The following PRKG1 variants were observed in gnomAD, a reference collection of about 807,000 sequenced individuals.
PRKG1 encodes the protein cGMP-dependent protein kinase 1.
Under a neutral mutation model 88.1 loss-of-function variants are expected in PRKG1, and 35 were observed. The ratio of observed to expected loss-of-function variants is 0.40; its 90% CI spans 0.30 to 0.53. The LOEUF (loss-of-function observed/expected upper bound fraction) is 0.53. Among genes scored for constraint, PRKG1 ranks in the 20% least tolerant of loss-of-function variants. PRKG1 has a pLI of 0.59. For synonymous variants in PRKG1, 303 were observed against 292.5 expected (o/e 1.04, Z -0.37); for missense variants, 540 against 839.8 (o/e 0.64, Z 4.41).
chr10:51,876,667 A>G (rs1255642290), intron 4 of PRKG1, among the ~76,000 whole-genome samples: 4 of 152,304 alleles, frequency 2.6e-5, no homozygotes, highest in Admixed American at 6.5e-5. Flanking sequence ...TGAGACTCCC[A>G]GCTGCCAGCA....
intron 5 of PRKG1, chr10:51,910,226 G>A (rs549177478): frequency 1.0e-5 from 1 of 95,720 alleles, no homozygotes; most frequent in South Asian, 3.2e-4. Flanking sequence ...TGAGCTAGTG[G>A]AAAAGTCACA....
chr10:51,600,742 T>C (rs2132225115), intron 3 of PRKG1, among the ~76,000 whole-genome samples: 2 of 152,312 alleles, frequency 1.3e-5, no homozygotes, highest in South Asian at 4.1e-4. Flanking sequence ...ACATTTCAAC[T>C]GCTTATCAGC....
At chr10:51,617,520 C>T (rs190550882) in intron 3 of PRKG1, among the ~76,000 whole-genome samples, 2 of 152,272 alleles carry the variant, frequency 1.3e-5, no homozygotes, top group African/African-American at 4.8e-5. Flanking sequence ...CCATCGCCAA[C>T]ACCAGCATGC....
At chr10:51,232,489 T>C (rs1440580269) in intron 2 of PRKG1, among the ~76,000 whole-genome samples, 1 of 152,070 alleles carries the variant, frequency 6.6e-6, no homozygotes, top group Non-Finnish European at 1.5e-5. Context: ...GGATATGCGA[T>C]GTGTGTTTAA....
intron 2 of PRKG1, among the ~76,000 whole-genome samples, chr10:51,251,744 C>T (rs1458182629): frequency 6.6e-6 from 1 of 151,706 alleles, no homozygotes; most frequent in Non-Finnish European, 1.5e-5. Flanking sequence ...AAGAATCAAC[C>T]TCTGGCTCTT....
At position 51,241,307 on chromosome 10, in the gene PRKG1, CA is replaced by C. The variant is rs546906226; in HGVS notation, c.478+87989del. Among the ~76,000 whole-genome samples the C allele has an allele frequency of 4.7e-3, 645 of 136,182 alleles. 1 individual carries two copies. Among genetic ancestry groups the C allele is most frequent in the African/African-American group, 0.011 (426 of 37,634 alleles). 89.3% of individuals were successfully genotyped at this position (136,182 alleles called of 152,430 possible). A position where few individuals can be genotyped will look rare whatever the true frequency, so the allele number is the denominator to read the frequency against. On this transcript the variant is annotated intron_variant, in intron 2 of 17. Coordinates refer to ENST00000373980, the MANE Select transcript of PRKG1 (RefSeq NM_006258.4). Reference sequence around the variant, plus strand: ...TGGAGCTAGCTCATTTGCTCCAATCCAAAAAAAAAAAAGCCAAAGAACCTCC... The same window carrying C: ...TGGAGCTAGCTCATTTGCTCCAATCCAAAAAAAAAAAGCCAAAGAACCTCC...
chr10:51,970,419 T>A (rs1843680582), intron 5 of PRKG1, among the ~76,000 whole-genome samples: 1 of 151,454 alleles, frequency 6.6e-6, no homozygotes, highest in Admixed American at 6.6e-5. Context: ...TGACATTATA[T>A]AAAGAATAGA....
intron 3 of PRKG1, among the ~76,000 whole-genome samples, chr10:51,577,882 A>G (rs1837928587): frequency 6.6e-6 from 1 of 152,088 alleles, no homozygotes; most frequent in African/African-American, 2.4e-5. Flanking sequence ...AATATTGTTC[A>G]TTCAATATAT....
At chr10:51,278,860 AT>A (rs1458548345) in intron 2 of PRKG1, among the ~76,000 whole-genome samples, 1 of 151,828 alleles carries the variant, frequency 6.6e-6, no homozygotes, top group Admixed American at 6.6e-5. Flanking sequence ...CTTTATTAGT[AT>A]TGCTAGCGGT....
At chr10:52,270,027 G>T (rs1841675946) in intron 10 of PRKG1, among the ~76,000 whole-genome samples, 1 of 151,922 alleles carries the variant, frequency 6.6e-6, no homozygotes, top group Admixed American at 6.6e-5. Flanking sequence ...TGTTTGAGAA[G>T]AAAAACAAAC....
chr10:51,084,038 CTG>C (rs1844183586), intron 1 of PRKG1, among the ~76,000 whole-genome samples: 1 of 152,148 alleles, frequency 6.6e-6, no homozygotes, highest in Admixed American at 6.6e-5. Context: ...AGGAGCTTTT[CTG>C]TCTTTTCCCC....
chr10:51,868,889 A>G (rs937454594), intron 4 of PRKG1, among the ~76,000 whole-genome samples: 7 of 152,220 alleles, frequency 4.6e-5, no homozygotes, highest in African/African-American at 1.7e-4. Context: ...TAATGAGTGC[A>G]TATAAAGAGG....
chr10:52,101,960 A>C (rs2132567911), intron 7 of PRKG1, among the ~76,000 whole-genome samples: 1 of 152,326 alleles, frequency 6.6e-6, no homozygotes, highest in South Asian at 2.1e-4. Context: ...TGTGCAAATG[A>C]AGTCAAGTTT....
At chr10:52,260,494 A>G (rs764765539) in intron 10 of PRKG1, among the ~76,000 whole-genome samples, 2 of 152,166 alleles carry the variant, frequency 1.3e-5, no homozygotes, top group African/African-American at 2.4e-5. Context: ...TTCAGAGTCA[A>G]TAAATGAAAG....
chr10:51,092,843 T>C (rs191723610), intron 1 of PRKG1, among the ~76,000 whole-genome samples: 1 of 152,308 alleles, frequency 6.6e-6, no homozygotes, highest in African/African-American at 2.4e-5. Flanking sequence ...CAGATTTTTA[T>C]ATTTAAATAA....
chr10:51,935,151 C>T (rs1174989146), intron 5 of PRKG1, among the ~76,000 whole-genome samples: 1 of 152,082 alleles, frequency 6.6e-6, no homozygotes, highest in East Asian at 1.9e-4. Flanking sequence ...TTGTCTTATT[C>T]ACCTTGAAAG....
At chr10:52,071,193 T>A (rs1846487599) in intron 7 of PRKG1, among the ~76,000 whole-genome samples, 2 of 152,214 alleles carry the variant, frequency 1.3e-5, no homozygotes, top group South Asian at 4.1e-4. Context: ...GTTTGTTACA[T>A]GGGTGTACTG....
Position 52,136,726 on chromosome 10 carries a change from T to A in PRKG1, c.1001+2821T>A, listed in dbSNP as rs138656402. Among the ~76,000 whole-genome samples, 284 of 152,148 alleles carry A rather than the reference T, an allele frequency of 1.9e-3. 2 individuals are homozygous for A. The highest frequency in any genetic ancestry group is 6.7e-3 in the African/African-American group (277 of 41,546). The stretch of plus-strand genomic sequence containing the variant: ...AGGTAAATGTCCATGCACAGCACAA[T>A]ACATGAAGTAAGCACTAAATAAATA... On this transcript the variant is annotated intron_variant, in intron 8 of 17. Transcript: ENST00000373980.
intron 5 of PRKG1, among the ~76,000 whole-genome samples, chr10:52,049,511 TA>T: frequency 1.3e-5 from 2 of 152,336 alleles, no homozygotes; most frequent in East Asian, 3.9e-4. Flanking sequence ...TGAAAGTTTT[TA>T]AGCAATAAAG....
Sources: gnomAD v4.1 joint callset for allele counts (sites outside exome capture counted in the v4.1 genomes callset) on GRCh38, gnomAD v4.1.1 for gene constraint, MANE v1.5 for transcripts, NCBI Gene and HGNC (gene_info 2026-07-23, HGNC 2026-07-21) for gene names.